Variants in TRPM3 observed in about 807,000 individuals in gnomAD.
The protein encoded by TRPM3 is transient receptor potential cation channel subfamily M member 3, also known as long transient receptor potential channel 3.
A neutral mutation model predicts 181.2 loss-of-function variants in TRPM3; 77 were observed. The observed-to-expected ratio is 0.42, with a 90% CI of 0.35 to 0.51. The LOEUF is 0.51. Ranked by LOEUF, TRPM3 falls within the 20% of genes least tolerant of loss-of-function variation. The pLI is 0.01. For missense variants in TRPM3, 1,759 were observed against 2,196.7 expected (o/e 0.80, Z 3.98); for synonymous variants, 745 against 796.4 (o/e 0.94, Z 1.09).
intron 3 of TRPM3, among the ~76,000 whole-genome samples, chr9:70,859,057 G>GA (rs1485578997): frequency 1.3e-5 from 2 of 152,170 alleles, no homozygotes; most frequent in Non-Finnish European, 2.9e-5. Flanking sequence ...ACCTGCCTTA[G>GA]ATACTAGCCA....
At chr9:71,255,027 C>G (rs2082586883) in intron 1 of TRPM3, among the ~76,000 whole-genome samples, 1 of 152,150 alleles carries the variant, frequency 6.6e-6, no homozygotes, top group South Asian at 2.1e-4. Context: ...AGCCATGGAG[C>G]CATTTTCTTC....
Position 70,681,496 on chromosome 9 carries a change from A to T in TRPM3, c.1345+10T>A, listed in dbSNP as rs778154263. ...TTATTTTCACACTCTCTGGACACAGACTCTTTTACCTTTGAGTAAAGCTGT... is the reference window on the plus strand; with the variant it reads ...TTATTTTCACACTCTCTGGACACAGTCTCTTTTACCTTTGAGTAAAGCTGT... On this transcript the variant is annotated intron_variant, in intron 9 of 25. Coordinates refer to ENST00000677713, the MANE Select transcript of TRPM3 (RefSeq NM_001366145.2). 1.9e-6 allele frequency: 3 copies of T among 1,611,958 alleles called. No homozygotes were observed. The highest frequency in any genetic ancestry group is 2.7e-5 in the African/African-American group (2 of 74,826).
intron 1 of TRPM3, among the ~76,000 whole-genome samples, chr9:70,996,928 C>A (rs1228613264): frequency 1.3e-5 from 2 of 152,144 alleles, no homozygotes; most frequent in Non-Finnish European, 2.9e-5. Flanking sequence ...CAAATGAGAG[C>A]AAACTTCTAA....
At chr9:71,237,084 A>G (rs1215300677) in intron 1 of TRPM3, among the ~76,000 whole-genome samples, 2 of 139,082 alleles carry the variant, frequency 1.4e-5, no homozygotes, top group African/African-American at 2.9e-5. Context: ...AAAGAAAGGA[A>G]AGGGAAGGGG....
Position 70,784,095 on chromosome 9 carries a change from A to T in TRPM3, c.1148+10T>A. The T allele has an allele frequency of 6.2e-7, 1 of 1,611,218 alleles. No individual in the cohort carries two copies. The highest frequency in any genetic ancestry group is 8.5e-7 in the Non-Finnish European group (1 of 1,178,304). On this transcript the variant is annotated intron_variant, in intron 7 of 25. Transcript: ENST00000677713. ...TAGGGTTCTTCCATGGGGCCTGGAA[A>T]GTTACCTACCCGCCTTCTTCTGAGT...
intron 6 of TRPM3, among the ~76,000 whole-genome samples, chr9:70,813,773 T>C (rs1175518562): frequency 6.6e-6 from 1 of 152,210 alleles, no homozygotes; most frequent in Non-Finnish European, 1.5e-5. Context: ...GAGCGTGCTA[T>C]TTACTAGCAG....
At chr9:70,633,596 GA>G (rs1316582957) in intron 12 of TRPM3, among the ~76,000 whole-genome samples, 1 of 152,178 alleles carries the variant, frequency 6.6e-6, no homozygotes, top group Non-Finnish European at 1.5e-5. Flanking sequence ...CCAAAGGATG[GA>G]GATTTTGATT....
intron 1 of TRPM3, among the ~76,000 whole-genome samples, chr9:71,217,004 G>C (rs899986819): frequency 3.0e-5 from 4 of 131,890 alleles, no homozygotes; most frequent in African/African-American, 1.2e-4. Flanking sequence ...AGGCTGGAGT[G>C]CAGTGGCGCG....
chr9:70,677,643 C>T (rs2064342077), intron 9 of TRPM3, among the ~76,000 whole-genome samples: 2 of 152,238 alleles, frequency 1.3e-5, no homozygotes, highest in African/African-American at 2.4e-5. Flanking sequence ...TTCTACAGAG[C>T]TGTTCATACT....
At chr9:70,842,734 G>T (rs1248462693) in intron 5 of TRPM3, among the ~76,000 whole-genome samples, 3 of 152,088 alleles carry the variant, frequency 2.0e-5, no homozygotes, top group African/African-American at 7.2e-5. Flanking sequence ...GATGGGTGAA[G>T]AAAGACCACT....
chr9:71,434,954 T>C (rs1049089135), intron 1 of TRPM3, among the ~76,000 whole-genome samples: 2 of 152,160 alleles, frequency 1.3e-5, no homozygotes, highest in African/African-American at 4.8e-5. Context: ...AACTTTCAAC[T>C]TAAGTGTTGT....
intron 1 of TRPM3, among the ~76,000 whole-genome samples, chr9:71,022,004 T>C (rs773715136): frequency 5.9e-5 from 9 of 152,176 alleles, no homozygotes; most frequent in African/African-American, 2.2e-4. Flanking sequence ...GGAATGAAGA[T>C]GGTGACTGGG....
intron 7 of TRPM3, among the ~76,000 whole-genome samples, chr9:70,762,856 C>A (rs904018200): frequency 6.6e-6 from 1 of 152,198 alleles, no homozygotes; most frequent in Non-Finnish European, 1.5e-5. Flanking sequence ...CTTTCCACCA[C>A]ACCATGTTGC....
At position 71,415,539 on chromosome 9, in the gene TRPM3, A is replaced by G. The variant is rs1249930119; in HGVS notation, c.183+31114T>C. On this transcript the variant is annotated intron_variant, in intron 1 of 24. Transcript: ENST00000357533. ...GCAGTACGCTGGGTGACACTAAGAT[A>G]TACTTTTAAGGAAATAAATCACCTA... 2.0e-5 allele frequency among the ~76,000 whole-genome samples: 3 copies of G among 152,106 alleles called. 1 individual carries two copies. Among genetic ancestry groups the G allele is most frequent in the Non-Finnish European group, 4.4e-5 (3 of 68,006 alleles).
chr9:71,196,138 T>G (rs1345308477), intron 1 of TRPM3, among the ~76,000 whole-genome samples: 4 of 147,082 alleles, frequency 2.7e-5, no homozygotes, highest in Non-Finnish European at 6.0e-5. Context: ...TTTATGTACA[T>G]ACGCATATAT....
At chr9:70,597,336 T>C (rs1018886145) in intron 21 of TRPM3, among the ~76,000 whole-genome samples, 1 of 152,196 alleles carries the variant, frequency 6.6e-6, no homozygotes, top group Admixed American at 6.5e-5. Context: ...CCTCCCAAAG[T>C]GCTGGAATTG....
intron 1 of TRPM3, among the ~76,000 whole-genome samples, chr9:71,190,289 T>C (rs967443824): frequency 6.6e-6 from 1 of 151,862 alleles, no homozygotes; most frequent in Non-Finnish European, 1.5e-5. Context: ...ACAAAGCAGG[T>C]CAGTCCATCT....
At chr9:70,893,597 T>G (rs2096242548) in intron 1 of TRPM3, among the ~76,000 whole-genome samples, 1 of 152,110 alleles carries the variant, frequency 6.6e-6, no homozygotes, top group Admixed American at 6.5e-5. Context: ...GGATTGAAAG[T>G]GTACCTCCTA....
intron 1 of TRPM3, among the ~76,000 whole-genome samples, chr9:71,265,258 T>C (rs867336072): frequency 3.1e-4 from 47 of 152,342 alleles, no homozygotes; most frequent in African/African-American, 1.0e-3. Context: ...TTGAGCATAA[T>C]AATGCCTAGA....
Sources: gnomAD v4.1 joint callset for allele counts (sites outside exome capture counted in the v4.1 genomes callset) on GRCh38, gnomAD v4.1.1 for gene constraint, MANE v1.5 for transcripts, NCBI Gene and HGNC (gene_info 2026-07-23, HGNC 2026-07-21) for gene names.